Variants in CYP4V2 observed in about 807,000 individuals in gnomAD.
CYP4V2 encodes cytochrome P450 4V2.
CYP4V2 carries 55 observed loss-of-function variants against 60.8 expected under a neutral mutation model. That is an observed-to-expected ratio of 0.90 (90% CI 0.73 to 1.13). The LOEUF (loss-of-function observed/expected upper bound fraction) is 1.13. CYP4V2 is among the 50% of genes most tolerant of loss of function. The pLI, the probability that CYP4V2 is intolerant of heterozygous loss-of-function variation, is 0.00. For synonymous variants in CYP4V2, 239 were observed against 236.8 expected (o/e 1.01, Z -0.08); for missense variants, 675 against 662.9 (o/e 1.02, Z -0.20).
chr4:186,205,098 TGCA>T lies in CYP4V2; in HGVS notation c.988-100_988-98del, dbSNP rs878924475. ...TCATTTCTTATGTTTGCAGTCACAG[TGCA>T]GTCATCAAATCCAGAGACAATTCAA... On this transcript the variant is annotated intron_variant, in intron 7 of 10. Coordinates refer to ENST00000378802, the MANE Select transcript of CYP4V2 (RefSeq NM_207352.4). 8 of 1,050,208 alleles carry T rather than the reference TGCA, an allele frequency of 7.6e-6. No homozygotes were observed. In the South Asian group the frequency reaches 1.0e-4, roughly 13 times the overall value. 65.1% of individuals were successfully genotyped at this position (1,050,208 alleles called of 1,614,324 possible).
rs1436267047 is a variant in CYP4V2, at chr4:186,194,588, C to T, written c.303C>T (p.Ala101=). The T allele has an allele frequency of 3.1e-6, 5 of 1,613,970 alleles. No homozygotes were observed. Among genetic ancestry groups the T allele is most frequent in the Non-Finnish European group, 4.2e-6 (5 of 1,179,940 alleles). The part of the protein sequence containing the change: ...KLWVGPVPMV[A]LYNAENVEVI... ...GGGTCGGGCCAGTGCCCATGGTGGC[C>T]CTTTATAATGCAGAAAATGTGGAGG... Residue 101 remains alanine (A), a synonymous_variant, in exon 2 of 11, where the codon GCC becomes GCT. Transcript: ENST00000378802.
chr4:186,204,944 T>A (rs1736452087), intron 7 of CYP4V2: 2 of 525,694 alleles, frequency 3.8e-6, no homozygotes, highest in South Asian at 2.0e-5. Flanking sequence ...CCGCCTTTAT[T>A]AACACAGCAC....
chr4:186,191,702 C>T lies in CYP4V2; in HGVS notation c.-122C>T. 1.0e-6 allele frequency: 1 copy of T among 971,482 alleles called. No homozygotes were observed. Among genetic ancestry groups the T allele is most frequent in the Non-Finnish European group, 1.3e-6 (1 of 752,596 alleles). The allele number at this position is 971,482 out of a possible 1,614,324, so 60.2% of individuals were successfully genotyped here. ...TCGTTCCGGGGACCGGGCGACCCCG[C>T]AGCGGGGAGCGCGCCAGGTCCGCGC... On this transcript the variant is annotated 5_prime_UTR_variant, in exon 1 of 11. Coordinates refer to ENST00000378802, the MANE Select transcript of CYP4V2 (RefSeq NM_207352.4).
intron 7 of CYP4V2, chr4:186,203,827 A>C (rs1456511203): frequency 6.6e-6 from 1 of 152,258 alleles, no homozygotes; most frequent in Non-Finnish European, 1.5e-5. Context: ...GAATTGCAGA[A>C]TAAGCCCCGA....
At chr4:186,197,639 A>G (rs1341178687) in intron 5 of CYP4V2, 37 bp downstream of exon 5, 1 of 1,599,758 alleles carries the variant, frequency 6.3e-7, no homozygotes, top group Non-Finnish European at 8.6e-7. Flanking sequence ...AACAATTATT[A>G]TTGATTTAGG....
intron 7 of CYP4V2, chr4:186,204,458 G>C (rs1365967590): frequency 4.6e-6 from 1 of 217,626 alleles, no homozygotes; most frequent in Non-Finnish European, 9.8e-6. Flanking sequence ...TTACGCTGGC[G>C]TAAGAGGTGG....
intron 6 of CYP4V2, among the ~76,000 whole-genome samples, chr4:186,200,507 A>T (rs1431905048): frequency 6.6e-6 from 1 of 151,818 alleles, no homozygotes; most frequent in Non-Finnish European, 1.5e-5. Flanking sequence ...ATATCACATT[A>T]TAATAATAAG....
In CYP4V2 at chr4:186,209,098, TAC is replaced by T. The variant is rs774903143; in HGVS notation, c.1233_1234del (p.Tyr411Ter). On this transcript the variant is annotated frameshift_variant, in exon 10 of 11. Coordinates refer to ENST00000378802, the MANE Select transcript of CYP4V2 (RefSeq NM_207352.4). LOFTEE classifies it high-confidence loss of function. ...SVSEDCEVAG[Y>X]RVLKGTEAVI... The stretch of plus-strand genomic sequence containing the variant: ...TATTGACTACTTCTTGACAGCAGGT[TAC>T]AGAGTTCTAAAAGGCACTGAAGCCG... 1 of 1,614,184 alleles carries T rather than the reference TAC, an allele frequency of 6.2e-7. No individual in the cohort carries two copies. The highest frequency in any genetic ancestry group is 8.5e-7 in the Non-Finnish European group (1 of 1,180,026).
In CYP4V2 at chr4:186,195,103, CTT is replaced by C. The variant is rs1327621200; in HGVS notation, c.327+495_327+496del. ...AATTAGTCCTCCAAAAAGCTGTAGT[CTT>C]TTTACTTGTTGAAAGGTCTGGGGAA... On this transcript the variant is annotated intron_variant, in intron 2 of 10. Coordinates refer to ENST00000378802, the MANE Select transcript of CYP4V2 (RefSeq NM_207352.4). The surrounding 1 kb of genome is among the most constrained non-coding windows in gnomAD (Gnocchi z 4.1). Among the ~76,000 whole-genome samples, 1 of 152,100 alleles carries C rather than the reference CTT, an allele frequency of 6.6e-6. No individual in the cohort carries two copies. Among genetic ancestry groups the C allele is most frequent in the African/African-American group, 2.4e-5 (1 of 41,416 alleles).
At chr4:186,201,519 T>C (rs1736306963) in intron 7 of CYP4V2, 177 bp downstream of exon 7, 4 of 713,480 alleles carry the variant, frequency 5.6e-6, no homozygotes, top group East Asian at 2.9e-5. Flanking sequence ...CTCAACTTCT[T>C]CAGAAAACGA....
rs1205814573 is a variant in CYP4V2 at position 186,191,806 on chromosome 4, C to A, written c.-18C>A. 5.2e-6 allele frequency: 8 copies of A among 1,526,760 alleles called. No homozygotes were observed. Among genetic ancestry groups the A allele is most frequent in the Non-Finnish European group, 5.2e-6 (6 of 1,143,580 alleles). The allele number at this position is 1,526,760 out of a possible 1,614,324, so 94.6% of individuals were successfully genotyped here. ...CCGCACTTTCCCGGAGTGCACCCCGCGGCCGCCAGCCGGGGCGATGGCGGG... is the reference window on the plus strand; with the variant it reads ...CCGCACTTTCCCGGAGTGCACCCCGAGGCCGCCAGCCGGGGCGATGGCGGG... On this transcript the variant is annotated 5_prime_UTR_variant, in exon 1 of 11. Coordinates refer to ENST00000378802, the MANE Select transcript of CYP4V2 (RefSeq NM_207352.4).
chr4:186,198,344 C>T (rs946318535), intron 5 of CYP4V2, among the ~76,000 whole-genome samples: 3 of 152,104 alleles, frequency 2.0e-5, no homozygotes, highest in East Asian at 3.8e-4. Flanking sequence ...AATAATTGCT[C>T]AGGAAGAAAA....
At position 186,197,349 on chromosome 4, in the gene CYP4V2, G is replaced by C. The variant is rs866829507; in HGVS notation, c.605-184G>C. 28 of 841,172 alleles carry C rather than the reference G, an allele frequency of 3.3e-5. No individual in the cohort carries two copies. In the Middle Eastern group the frequency reaches 1.8e-3, roughly 54 times the overall value. 52.1% of individuals were successfully genotyped at this position (841,172 alleles called of 1,614,324 possible). Reference sequence around the variant, plus strand: ...CAACTGCCCAGGGAGGCGAAGGGAAGGAAGAACAGGAACAGGGAGTAGAAG... The same window carrying C: ...CAACTGCCCAGGGAGGCGAAGGGAACGAAGAACAGGAACAGGGAGTAGAAG... On this transcript the variant is annotated intron_variant, in intron 4 of 10. Coordinates refer to ENST00000378802, the MANE Select transcript of CYP4V2 (RefSeq NM_207352.4).
At chr4:186,208,784 G>T (rs1360211252) in intron 8 of CYP4V2, 81 bp from the exon 9 acceptor site, 8 of 1,593,648 alleles carry the variant, frequency 5.0e-6, no homozygotes, top group Non-Finnish European at 6.9e-6. Context: ...GCCATGCCTT[G>T]ATCCACCTGT....
At chr4:186,200,774 A>G (rs1021519775) in intron 6 of CYP4V2, among the ~76,000 whole-genome samples, 1 of 151,912 alleles carries the variant, frequency 6.6e-6, no homozygotes, top group Non-Finnish European at 1.5e-5. Context: ...CCTCTACAAC[A>G]TGTAATTAAG....
intron 6 of CYP4V2, among the ~76,000 whole-genome samples, chr4:186,199,883 G>T (rs1399269783): frequency 6.6e-6 from 1 of 152,016 alleles, no homozygotes; most frequent in Non-Finnish European, 1.5e-5. Flanking sequence ...TCCTTTCTTT[G>T]CTGTAAATTT....
intron 3 of CYP4V2, chr4:186,196,362 T>G: frequency 2.1e-6 from 1 of 480,052 alleles, no homozygotes; most frequent in Admixed American, 3.3e-5. Flanking sequence ...TGGACGGGAG[T>G]GGACGGGATG....
intron 7 of CYP4V2, chr4:186,204,814 A>G (rs915898951): frequency 5.9e-6 from 2 of 337,808 alleles, no homozygotes; most frequent in African/African-American, 2.1e-5. Flanking sequence ...CGTCATCAAC[A>G]GGTGAGGCCC....
At chr4:186,202,749 CACAT>C (rs1233793355) in intron 7 of CYP4V2, 5 of 135,084 alleles carry the variant, frequency 3.7e-5, no homozygotes, top group South Asian at 5.1e-4. Context: ...TACACTCATG[CACAT>C]ACATGCACAC....
Sources: allele counts gnomAD v4.1 joint callset (sites outside exome capture counted in the v4.1 genomes callset), GRCh38; gene constraint gnomAD v4.1.1; non-coding constraint Gnocchi (gnomAD v3.1); transcripts MANE v1.5; gene names NCBI Gene and HGNC (gene_info 2026-07-23, HGNC 2026-07-21).